The following RAB28 variants were observed in gnomAD, a reference collection of about 807,000 sequenced individuals.
RAB28 encodes the protein ras-related protein Rab-28.
RAB28 carries 24 observed loss-of-function variants against 31.7 expected under a neutral mutation model. The ratio of observed to expected loss-of-function variants is 0.76; its 90% CI spans 0.55 to 1.06. The LOEUF is 1.06. Ranked by LOEUF, RAB28 falls within the 50% of genes least tolerant of loss-of-function variation. The probability of loss-of-function intolerance (pLI) is 0.00; values close to 1 mark genes in which losing one functional copy is unlikely to be tolerated. For missense variants in RAB28, 254 were observed against 258.5 expected (o/e 0.98, Z 0.12); for synonymous variants, 100 against 90.4 (o/e 1.11, Z -0.60).
intron 4 of RAB28, among the ~76,000 whole-genome samples, chr4:13,405,391 T>A (rs1712018860): frequency 1.3e-5 from 2 of 152,310 alleles, no homozygotes; most frequent in African/African-American, 4.8e-5. Context: ...GCTGTCAGCC[T>A]ATAAGAAATA....
At chr4:13,420,539 CAT>C (rs1355926536) in intron 4 of RAB28, among the ~76,000 whole-genome samples, 2 of 152,124 alleles carry the variant, frequency 1.3e-5, no homozygotes, top group Non-Finnish European at 2.9e-5. Flanking sequence ...TCCAGCAGCA[CAT>C]CAAAAAGCTT....
At chr4:13,461,841 T>A (rs1210133279) in intron 3 of RAB28, among the ~76,000 whole-genome samples, 12 of 152,194 alleles carry the variant, frequency 7.9e-5, no homozygotes, top group African/African-American at 2.9e-4. Context: ...AGTAATCAAC[T>A]ACTTTTGTGC....
chr4:13,480,289 A>G (rs960772956), intron 1 of RAB28, among the ~76,000 whole-genome samples: 1 of 151,812 alleles, frequency 6.6e-6, no homozygotes, highest in African/African-American at 2.4e-5. Context: ...CAAAAGAATA[A>G]TTATTCTAGT....
chr4:13,375,099 A>G (rs1173466466), intron 6 of RAB28, among the ~76,000 whole-genome samples: 1 of 152,094 alleles, frequency 6.6e-6, no homozygotes, highest in African/African-American at 2.4e-5. Flanking sequence ...AGTATGGCAG[A>G]GTGGAAATAC....
chr4:13,396,098 CTG>C (rs34277235), intron 4 of RAB28, among the ~76,000 whole-genome samples: 5,932 of 152,026 alleles, frequency 0.039, 233 homozygotes, highest in African/African-American at 0.098. Flanking sequence ...AGTGAAATGA[CTG>C]TAAAAAATGT....
intron 4 of RAB28, among the ~76,000 whole-genome samples, chr4:13,403,368 C>G (rs1466500191): frequency 6.6e-6 from 1 of 152,182 alleles, no homozygotes; most frequent in Non-Finnish European, 1.5e-5. Flanking sequence ...GTCTATACCT[C>G]TGGCTCAAAA....
At chr4:13,390,708 G>C (rs1470096012) in intron 4 of RAB28, among the ~76,000 whole-genome samples, 2 of 152,030 alleles carry the variant, frequency 1.3e-5, no homozygotes, top group African/African-American at 4.8e-5. Context: ...AAAACAGAGA[G>C]ATAGATCAAT....
intron 3 of RAB28, among the ~76,000 whole-genome samples, chr4:13,461,846 T>C (rs1411359785): frequency 6.6e-6 from 1 of 152,156 alleles, no homozygotes; most frequent in Non-Finnish European, 1.5e-5. Flanking sequence ...TCAACTACTT[T>C]TGTGCACCTA....
intron 4 of RAB28, among the ~76,000 whole-genome samples, chr4:13,427,632 A>G (rs559298043): frequency 6.6e-6 from 1 of 152,314 alleles, no homozygotes; most frequent in South Asian, 2.1e-4. Context: ...TTCCTTCAGT[A>G]TATTTTTTAC....
intron 4 of RAB28, among the ~76,000 whole-genome samples, chr4:13,447,674 T>C (rs1714768572): frequency 6.6e-6 from 1 of 152,080 alleles, no homozygotes; most frequent in Non-Finnish European, 1.5e-5. Flanking sequence ...TGTCCAGGGT[T>C]TGCCTGGCAA....
chr4:13,476,090 G>C (rs895060410), intron 2 of RAB28, among the ~76,000 whole-genome samples: 3 of 151,440 alleles, frequency 2.0e-5, no homozygotes, highest in Non-Finnish European at 4.4e-5. Flanking sequence ...ATTTTTCTCA[G>C]AGCCAATGGT....
chr4:13,382,938 G>A (rs1031728194), intron 4 of RAB28, among the ~76,000 whole-genome samples: 2 of 151,960 alleles, frequency 1.3e-5, no homozygotes, highest in Non-Finnish European at 2.9e-5. Context: ...GACCTCAAAT[G>A]ATCCACCCAC....
chr4:13,395,714 C>G (rs1264248133), intron 4 of RAB28, among the ~76,000 whole-genome samples: 1 of 152,016 alleles, frequency 6.6e-6, no homozygotes, highest in Non-Finnish European at 1.5e-5. Flanking sequence ...ATCAGAGCTA[C>G]TGATAGATTT....
intron 4 of RAB28, among the ~76,000 whole-genome samples, chr4:13,417,206 G>A (rs1419740444): frequency 6.6e-6 from 1 of 152,240 alleles, no homozygotes; most frequent in Non-Finnish European, 1.5e-5. Flanking sequence ...CATTGCTGAG[G>A]CTTGAGTTGG....
At chr4:13,447,033 T>G (rs115839613) in intron 4 of RAB28, among the ~76,000 whole-genome samples, 260 of 152,264 alleles carry the variant, frequency 1.7e-3, no homozygotes, top group African/African-American at 5.9e-3. Flanking sequence ...TTACGTTGCT[T>G]CTTCTCCCCT....
chr4:13,482,095 G>A (rs78623051), intron 1 of RAB28, among the ~76,000 whole-genome samples: 5,746 of 152,206 alleles, frequency 0.038, 144 homozygotes, highest in Admixed American at 0.056. Flanking sequence ...TCAAGATAAT[G>A]AAGATTAAGT....
intron 4 of RAB28, among the ~76,000 whole-genome samples, chr4:13,438,381 T>C (rs192922944): frequency 6.8e-4 from 103 of 152,260 alleles, no homozygotes; most frequent in Non-Finnish European, 1.1e-3. Flanking sequence ...CAGAACATTT[T>C]CATCACACCA....
intron 3 of RAB28, among the ~76,000 whole-genome samples, chr4:13,464,204 C>T (rs987167160): frequency 6.6e-6 from 1 of 152,056 alleles, no homozygotes; most frequent in African/African-American, 2.4e-5. Flanking sequence ...CATGGATATA[C>T]CACCAGATTC....
At chr4:13,381,450 A>G (rs772338913) in intron 5 of RAB28, 41 bp downstream of exon 5, 18 of 1,405,272 alleles carry the variant, frequency 1.3e-5, no homozygotes, top group Non-Finnish European at 1.7e-5. Context: ...GTTAGTAAAT[A>G]AAAGGAAAAC....
Sources: allele counts gnomAD v4.1 joint callset (sites outside exome capture counted in the v4.1 genomes callset), GRCh38; gene constraint gnomAD v4.1.1; transcripts MANE v1.5; gene names NCBI Gene and HGNC (gene_info 2026-07-23, HGNC 2026-07-21).